Variants in WAPL observed in about 807,000 individuals in gnomAD.
The protein encoded by WAPL is WAPL cohesin release factor, also known as wings apart-like protein homolog.
Under a neutral mutation model 121.0 loss-of-function variants are expected in WAPL, and 5 were observed. The observed-to-expected ratio is 0.04, with a 90% confidence interval of 0.02 to 0.09. The LOEUF (loss-of-function observed/expected upper bound fraction) is 0.09. Among genes scored for constraint, WAPL ranks in the 10% least tolerant of loss-of-function variants. The pLI is 1.00. For missense variants in WAPL, 999 were observed against 1,410.8 expected (o/e 0.71, Z 4.68); for synonymous variants, 480 against 481.5 (o/e 1.00, Z 0.04).
intron 12 of WAPL, among the ~76,000 whole-genome samples, chr10:86,456,843 TTCTG>T (rs1841158519): frequency 6.6e-6 from 1 of 152,202 alleles, no homozygotes; most frequent in South Asian, 2.1e-4. Context: ...TATTTAATCT[TTCTG>T]TATGCTATCT....
At chr10:86,462,435 G>A (rs1841302100) in intron 9 of WAPL, among the ~76,000 whole-genome samples, 1 of 152,070 alleles carries the variant, frequency 6.6e-6, no homozygotes, top group Non-Finnish European at 1.5e-5. Context: ...GTTGTTCTCG[G>A]CCAGGTGCGG....
intron 4 of WAPL, among the ~76,000 whole-genome samples, chr10:86,489,428 T>C (rs931663225): frequency 6.6e-6 from 1 of 152,196 alleles, no homozygotes; most frequent in African/African-American, 2.4e-5. Context: ...GCTCTTGTTT[T>C]TAGAAAGTAC....
At chr10:86,514,211 G>T (rs1277229753) in intron 2 of WAPL, among the ~76,000 whole-genome samples, 1 of 152,166 alleles carries the variant, frequency 6.6e-6, no homozygotes, top group Non-Finnish European at 1.5e-5. Context: ...CAGTTTAGAG[G>T]GGAGAGACAA....
chr10:86,443,706 A>T (rs1475416262), intron 16 of WAPL: 1 of 201,972 alleles, frequency 5.0e-6, no homozygotes, highest in African/African-American at 2.3e-5. Flanking sequence ...TTACAACTCA[A>T]CAACAAAAAC....
chr10:86,510,578 G>A (rs1260018974), intron 2 of WAPL, among the ~76,000 whole-genome samples: 1 of 152,146 alleles, frequency 6.6e-6, no homozygotes, highest in Non-Finnish European at 1.5e-5. Flanking sequence ...GAAGAAATTT[G>A]TTAGTGGTCT....
chr10:86,470,592 C>T (rs1841514723), intron 8 of WAPL, among the ~76,000 whole-genome samples: 1 of 152,108 alleles, frequency 6.6e-6, no homozygotes, highest in Admixed American at 6.5e-5. Flanking sequence ...CAACACTGGA[C>T]AAAAACGTTT....
At position 86,452,108 on chromosome 10, in the gene WAPL, T is replaced by C. The variant is rs746614958; in HGVS notation, c.2973A>G (p.Leu991=). The change falls in exon 15 of 19, where the codon CTA becomes CTG. Residue 991 remains leucine, a synonymous_variant. Coordinates refer to ENST00000298767, the MANE Select transcript of WAPL (RefSeq NM_015045.5). ...RVLGLGLLIN[L]VEYSARNRHC... ...GCCGATTCCGAGCACTATACTCCAC[T>C]AGATTTATCAGCAGACCTAAGCCCT... 2 of 1,613,998 alleles carry C rather than the reference T, an allele frequency of 1.2e-6. No individual in the cohort carries two copies. The highest frequency in any genetic ancestry group is 1.1e-5 in the South Asian group (1 of 91,066).
At chr10:86,497,868 G>A (rs575012824) in intron 3 of WAPL, among the ~76,000 whole-genome samples, 24 of 152,250 alleles carry the variant, frequency 1.6e-4, no homozygotes, top group Admixed American at 6.5e-4. Flanking sequence ...ATGATTTGTC[G>A]GTCTTCAAAC....
intron 17 of WAPL, among the ~76,000 whole-genome samples, chr10:86,440,551 G>A (rs1219373006): frequency 1.3e-5 from 2 of 151,924 alleles, no homozygotes; most frequent in African/African-American, 4.8e-5. Context: ...TGCCCACCTT[G>A]GCCTCCCAAA....
intron 8 of WAPL, among the ~76,000 whole-genome samples, chr10:86,468,376 T>A (rs189550038): frequency 9.3e-4 from 142 of 151,964 alleles, no homozygotes; most frequent in Middle Eastern, 3.4e-3. Flanking sequence ...ATTTTTGTAT[T>A]TTTTGTGGAT....
intron 2 of WAPL, among the ~76,000 whole-genome samples, chr10:86,505,429 G>C (rs1422067514): frequency 6.7e-6 from 1 of 148,178 alleles, no homozygotes; most frequent in Non-Finnish European, 1.5e-5. Flanking sequence ...TGGGACTACA[G>C]GCGCGAGTCA....
chr10:86,479,234 A>G (rs1273752084), intron 4 of WAPL, among the ~76,000 whole-genome samples: 1 of 152,206 alleles, frequency 6.6e-6, no homozygotes, highest in African/African-American at 2.4e-5. Context: ...CAGGAAAAAA[A>G]GGAATGGGTT....
intron 2 of WAPL, among the ~76,000 whole-genome samples, chr10:86,510,264 G>A (rs1019921650): frequency 2.0e-5 from 3 of 150,218 alleles, no homozygotes; most frequent in Admixed American, 1.3e-4. Flanking sequence ...TAGTAGAGAC[G>A]GGATCTCACC....
At chr10:86,508,901 G>A (rs1422047112) in intron 2 of WAPL, among the ~76,000 whole-genome samples, 3 of 151,704 alleles carry the variant, frequency 2.0e-5, no homozygotes, top group Non-Finnish European at 4.4e-5. Flanking sequence ...GACTACAGGC[G>A]CCCGCCACCA....
At chr10:86,519,260 G>A (rs1842623489) in intron 1 of WAPL, among the ~76,000 whole-genome samples, 1 of 152,154 alleles carries the variant, frequency 6.6e-6, no homozygotes, top group South Asian at 2.1e-4. Flanking sequence ...GTAACCGTTT[G>A]TCTAACACTT....
In WAPL at chr10:86,437,956, C is replaced by G. The variant is rs1294821758; in HGVS notation, c.3471G>C (p.Glu1157Asp). 2.3e-5 allele frequency: 37 copies of G among 1,613,824 alleles called. No individual in the cohort carries two copies. Among genetic ancestry groups the G allele is most frequent in the Non-Finnish European group, 3.1e-5 (36 of 1,179,942 alleles). Residue 1157 changes from glutamate to aspartate, a missense_variant, in exon 18 of 19, where the codon GAG (glutamate) becomes GAC (aspartate). By Grantham distance (45) the Glu-to-Asp change is conservative. This residue lies in a region of WAPL where 35 missense variants were observed against 80.3 expected (regional missense o/e 0.44). Coordinates refer to ENST00000298767, the MANE Select transcript of WAPL (RefSeq NM_015045.5). ...LPEGDFSIMT[E>D]MLKKFLSFMN... The stretch of plus-strand genomic sequence containing the variant: ...TAAAACTCAAAAATTTTTTGAGCAT[C>G]TCTGTCATTATTGAAAAGTCTCCTT...
chr10:86,469,649 C>T (rs1439387188), intron 8 of WAPL, among the ~76,000 whole-genome samples: 2 of 152,130 alleles, frequency 1.3e-5, no homozygotes, highest in Middle Eastern at 3.2e-3. Context: ...TATTCCAACA[C>T]TTGAGATATT....
intron 2 of WAPL, among the ~76,000 whole-genome samples, chr10:86,512,566 C>A (rs1249204289): frequency 2.0e-5 from 3 of 152,202 alleles, no homozygotes; most frequent in African/African-American, 4.8e-5. Flanking sequence ...TAAGGAATAC[C>A]TGGAGATCTC....
At chr10:86,439,040 C>T (rs754511077) in intron 17 of WAPL, among the ~76,000 whole-genome samples, 1 of 152,082 alleles carries the variant, frequency 6.6e-6, no homozygotes, top group Non-Finnish European at 1.5e-5. Flanking sequence ...TTTGGGGACA[C>T]AAGGTAAAGG....
Sources: gnomAD v4.1 joint callset for allele counts (sites outside exome capture counted in the v4.1 genomes callset) on GRCh38, gnomAD v4.1.1 for gene constraint, gnomAD v4.1.1 regional missense constraint, MANE v1.5 for transcripts, NCBI Gene and HGNC (gene_info 2026-07-23, HGNC 2026-07-21) for gene names.